The following ZNF469 variants were observed in gnomAD, a reference collection of about 807,000 sequenced individuals.
ZNF469 encodes the protein zinc finger protein 469.
Under a neutral mutation model 1.0 loss-of-function variants are expected in ZNF469, and 1 was observed. The observed-to-expected ratio is 1.00, with a 90% confidence interval of 0.35 to 4.73. The LOEUF is 4.73. Ranked by LOEUF, ZNF469 falls within the 30% of genes most tolerant of loss-of-function variation. The pLI is 0.16. For synonymous variants in ZNF469, 2,703 were observed against 2,363.4 expected (o/e 1.14, Z -4.17); for missense variants, 6,100 against 5,356.3 (o/e 1.14, Z -4.33).
At chr16:88,377,168 TG>T in the ZNF469 span, among the ~76,000 whole-genome samples, 3 of 152,282 alleles carry the variant, frequency 2.0e-5, no homozygotes, top group African/African-American at 7.2e-5. Flanking sequence ...GTCTTCCCAA[TG>T]GGGCAGGGGC....
the ZNF469 span, among the ~76,000 whole-genome samples, chr16:88,345,117 C>T: frequency 2.0e-5 from 3 of 152,194 alleles, no homozygotes; most frequent in Non-Finnish European, 4.4e-5. Context: ...GAGTGGATCC[C>T]GAGGTCATAG....
the ZNF469 span, among the ~76,000 whole-genome samples, chr16:88,372,709 C>T: frequency 6.6e-6 from 1 of 151,026 alleles, no homozygotes; most frequent in Non-Finnish European, 1.5e-5. Flanking sequence ...ATCATTACCA[C>T]CGTCATCATG....
the ZNF469 span, among the ~76,000 whole-genome samples, chr16:88,228,409 C>T: frequency 6.6e-6 from 1 of 152,226 alleles, no homozygotes. Flanking sequence ...TGGCACCTGC[C>T]CCGCAGGACT....
intron 1 of ZNF469, among the ~76,000 whole-genome samples, chr16:88,403,298 T>C (rs1185126778): frequency 2.0e-5 from 3 of 152,240 alleles, no homozygotes; most frequent in Admixed American, 2.0e-4. Flanking sequence ...GGACTTCTCA[T>C]TTTTTGTAAC....
the ZNF469 span, among the ~76,000 whole-genome samples, chr16:88,342,073 G>A: frequency 6.6e-6 from 1 of 151,882 alleles, no homozygotes; most frequent in Non-Finnish European, 1.5e-5. Context: ...GTGCAGGGCG[G>A]GGCGGGGCTG....
the ZNF469 span, among the ~76,000 whole-genome samples, chr16:88,253,255 C>A: frequency 6.6e-6 from 1 of 152,186 alleles, no homozygotes; most frequent in African/African-American, 2.4e-5. Context: ...GGTCGCTGAG[C>A]AGAAGACATT....
At chr16:88,249,239 A>G in the ZNF469 span, among the ~76,000 whole-genome samples, 20 of 139,494 alleles carry the variant, frequency 1.4e-4, no homozygotes, top group Non-Finnish European at 2.3e-4. Flanking sequence ...AAAAAAAAAG[A>G]AAGAAAGAAA....
At chr16:88,260,807 G>C in the ZNF469 span, among the ~76,000 whole-genome samples, 2 of 152,172 alleles carry the variant, frequency 1.3e-5, no homozygotes, top group Non-Finnish European at 2.9e-5. The surrounding 1 kb of genome is among the most constrained non-coding windows in gnomAD (Gnocchi z 4.1). Context: ...TGAGGATCTT[G>C]AGATGGAAAG....
the ZNF469 span, among the ~76,000 whole-genome samples, chr16:88,181,517 T>C: frequency 6.6e-6 from 1 of 152,238 alleles, no homozygotes; most frequent in Non-Finnish European, 1.5e-5. Flanking sequence ...ATTAATAGTA[T>C]GTCTCTTCAA....
At chr16:88,341,881 G>A in the ZNF469 span, among the ~76,000 whole-genome samples, 2 of 152,206 alleles carry the variant, frequency 1.3e-5, no homozygotes, top group South Asian at 4.1e-4. Flanking sequence ...CAGGGCGAGA[G>A]CATCACCAAG....
At chr16:88,122,527 TTGCTATGGCCA>T in the ZNF469 span, among the ~76,000 whole-genome samples, 1 of 152,008 alleles carries the variant, frequency 6.6e-6, no homozygotes, top group African/African-American at 2.4e-5. Flanking sequence ...ACTCTGTCAC[TTGCTATGGCCA>T]CGGCAGCCAC....
the ZNF469 span, among the ~76,000 whole-genome samples, chr16:88,132,045 C>T: frequency 2.0e-5 from 3 of 152,238 alleles, no homozygotes; most frequent in African/African-American, 7.2e-5. Context: ...CTCCCAGCCT[C>T]TCCATCGGCT....
At chr16:88,346,785 G>A in the ZNF469 span, among the ~76,000 whole-genome samples, 18 of 152,322 alleles carry the variant, frequency 1.2e-4, no homozygotes, top group East Asian at 3.9e-4. Flanking sequence ...CTGTGTGTGC[G>A]TCCCAAGCTG....
the ZNF469 span, among the ~76,000 whole-genome samples, chr16:88,331,501 C>A: frequency 2.0e-5 from 3 of 150,322 alleles, no homozygotes; most frequent in Non-Finnish European, 4.4e-5. Flanking sequence ...CTATTGTTAT[C>A]ACCACCACCA....
In ZNF469 at chr16:88,438,564, C is replaced by T. The variant is rs1906772223; in HGVS notation, c.11094C>T (p.His3698=). The T allele has an allele frequency of 1.3e-6, 2 of 1,550,024 alleles. No individual in the cohort carries two copies. Among genetic ancestry groups the T allele is most frequent in the Non-Finnish European group, 1.7e-6 (2 of 1,146,962 alleles). The part of the protein sequence containing the change: ...TPSKALKFPV[H]PRKAVGSLAP... ...GCAAAGCACTCAAGTTCCCAGTGCA[C>T]CCAAGGAAGGCGGTGGGGAGCCTGG... The change falls in exon 3 of 3, where the codon CAC becomes CAT. Residue 3698 remains histidine (H), a synonymous_variant. Transcript: ENST00000565624.
At chr16:88,140,726 G>A in the ZNF469 span, among the ~76,000 whole-genome samples, 1 of 152,198 alleles carries the variant, frequency 6.6e-6, no homozygotes, top group Non-Finnish European at 1.5e-5. Flanking sequence ...GAGGTCAGGA[G>A]TTCGAGACCA....
chr16:88,186,479 C>A, the ZNF469 span, among the ~76,000 whole-genome samples: 3 of 152,166 alleles, frequency 2.0e-5, no homozygotes, highest in African/African-American at 7.2e-5. Context: ...CATCACGTGC[C>A]GGGAGCTGAT....
chr16:88,161,678 T>G, the ZNF469 span, among the ~76,000 whole-genome samples: 3 of 152,006 alleles, frequency 2.0e-5, no homozygotes, highest in Admixed American at 6.6e-5. Context: ...AGTTATTCAA[T>G]GAATGTTGTG....
the ZNF469 span, among the ~76,000 whole-genome samples, chr16:88,355,361 C>T: frequency 6.6e-6 from 1 of 152,262 alleles, no homozygotes; most frequent in Admixed American, 6.5e-5. Context: ...AAACTGGGAG[C>T]CCCTGAAAGT....
Sources: gnomAD v4.1 joint callset for allele counts (sites outside exome capture counted in the v4.1 genomes callset) on GRCh38, gnomAD v4.1.1 for gene constraint, Gnocchi (gnomAD v3.1) non-coding constraint, MANE v1.5 for transcripts, NCBI Gene and HGNC (gene_info 2026-07-23, HGNC 2026-07-21) for gene names.